TFEC: variants seen among roughly 807,000 people sequenced by gnomAD.
The protein encoded by TFEC is transcription factor EC.
A neutral mutation model predicts 41.6 loss-of-function variants in TFEC; 31 were observed. That is an observed-to-expected ratio of 0.74 (90% confidence interval 0.56 to 1.01). The LOEUF is 1.01. Ranked by LOEUF, TFEC falls within the 50% of genes least tolerant of loss-of-function variation. The pLI, the probability that TFEC is intolerant of heterozygous loss-of-function variation, is 0.00. For synonymous variants in TFEC, 143 were observed against 140.6 expected (o/e 1.02, Z -0.12); for missense variants, 402 against 404.1 (o/e 0.99, Z 0.04).
intron 1 of TFEC, among the ~76,000 whole-genome samples, chr7:116,003,851 A>G (rs553944451): frequency 2.0e-5 from 3 of 152,186 alleles, no homozygotes; most frequent in Non-Finnish European, 4.4e-5. Context: ...AACCCTCAAA[A>G]TATTTGGAGA....
At chr7:115,966,643 A>C (rs1476782323) in intron 3 of TFEC, among the ~76,000 whole-genome samples, 2 of 151,788 alleles carry the variant, frequency 1.3e-5, no homozygotes, top group South Asian at 2.1e-4. Flanking sequence ...AATGTCTAAC[A>C]CAATGTCTGG....
intron 3 of TFEC, among the ~76,000 whole-genome samples, chr7:116,108,861 C>T (rs1797780270): frequency 6.6e-6 from 1 of 152,068 alleles, no homozygotes. Context: ...TTGAATAAGT[C>T]AACAAAGCAA....
At chr7:116,015,425 T>C (rs901175586) in intron 1 of TFEC, among the ~76,000 whole-genome samples, 5 of 151,698 alleles carry the variant, frequency 3.3e-5, no homozygotes, top group African/African-American at 9.7e-5. Context: ...CAAATTACAA[T>C]AGAAAAGAAA....
chr7:115,950,391 C>T (rs1562883089), intron 6 of TFEC, among the ~76,000 whole-genome samples: 1 of 152,124 alleles, frequency 6.6e-6, no homozygotes, highest in Non-Finnish European at 1.5e-5. Context: ...TTTGTGCATA[C>T]AGCACAAAGC....
Position 115,941,742 on chromosome 7 carries a change from A to G in TFEC, c.663+151T>C. On this transcript the variant is annotated intron_variant, in intron 7 of 7. Coordinates refer to ENST00000265440, the MANE Select transcript of TFEC (RefSeq NM_012252.4). ...GTCAAATCCTAATTGAAACAACCCAATTCACGAACTTCTAAAAAGCAGTAA... is the reference window on the plus strand; with the variant it reads ...GTCAAATCCTAATTGAAACAACCCAGTTCACGAACTTCTAAAAAGCAGTAA... 5 of 1,006,902 alleles carry G rather than the reference A, an allele frequency of 5.0e-6. No individual in the cohort carries two copies. The South Asian group carries it at 5.3e-5, about 11-fold the overall frequency. 62.4% of individuals were successfully genotyped at this position (1,006,902 alleles called of 1,614,324 possible).
chr7:116,007,449 A>C (rs12706072), intron 1 of TFEC, among the ~76,000 whole-genome samples: 20,707 of 152,148 alleles, frequency 0.14, 1,893 homozygotes, highest in Non-Finnish European at 0.21. Flanking sequence ...GGTAGTGGGG[A>C]GAGTTGTGGA....
chr7:116,019,606 ATG>A (rs1467567522), intron 1 of TFEC, among the ~76,000 whole-genome samples: 1 of 152,220 alleles, frequency 6.6e-6, no homozygotes, highest in African/African-American at 2.4e-5. Flanking sequence ...GACACAATTT[ATG>A]TGAGTGTTCT....
At chr7:116,017,035 C>T (rs112619807) in intron 1 of TFEC, among the ~76,000 whole-genome samples, 12 of 152,272 alleles carry the variant, frequency 7.9e-5, no homozygotes, top group African/African-American at 2.9e-4. Context: ...TAGAACCATC[C>T]TTGCCTCTGC....
chr7:116,121,033 T>C (rs971906537), intron 1 of TFEC, among the ~76,000 whole-genome samples: 2 of 151,958 alleles, frequency 1.3e-5, no homozygotes, highest in East Asian at 1.9e-4. Context: ...GACTCAGCAA[T>C]TGCTCTTCTA....
At chr7:116,059,175 T>C (rs564738594) in intron 3 of TFEC, among the ~76,000 whole-genome samples, 2 of 150,440 alleles carry the variant, frequency 1.3e-5, no homozygotes, top group Admixed American at 1.3e-4. Context: ...ATGAGAGAGG[T>C]GACATCACTA....
intron 3 of TFEC, among the ~76,000 whole-genome samples, chr7:116,045,895 A>G (rs1202798898): frequency 6.6e-6 from 1 of 152,210 alleles, no homozygotes; most frequent in Non-Finnish European, 1.5e-5. Context: ...CATGACCTGG[A>G]TGTGAGACCT....
At chr7:115,977,174 A>C (rs936361153) in intron 2 of TFEC, among the ~76,000 whole-genome samples, 25 of 152,154 alleles carry the variant, frequency 1.6e-4, no homozygotes, top group African/African-American at 6.0e-4. Flanking sequence ...GACAAAAAAC[A>C]CACCATTTTG....
At chr7:116,100,516 G>A (rs1338721922) in intron 3 of TFEC, among the ~76,000 whole-genome samples, 1 of 152,062 alleles carries the variant, frequency 6.6e-6, no homozygotes, top group Non-Finnish European at 1.5e-5. Flanking sequence ...CTGGGGTCAG[G>A]AAGAAATTTT....
intron 3 of TFEC, among the ~76,000 whole-genome samples, chr7:116,051,539 T>C (rs909134429): frequency 2.0e-5 from 3 of 152,198 alleles, no homozygotes; most frequent in African/African-American, 4.8e-5. Flanking sequence ...ACAAGAATTG[T>C]TCTGCCACAG....
At chr7:115,988,498 A>G (rs1404389572) in intron 1 of TFEC, among the ~76,000 whole-genome samples, 1 of 152,134 alleles carries the variant, frequency 6.6e-6, no homozygotes, top group African/African-American at 2.4e-5. Flanking sequence ...AGGATTTCAC[A>G]ACAAGAAACT....
chr7:116,061,730 T>G (rs1021266830), intron 3 of TFEC, among the ~76,000 whole-genome samples: 1 of 152,082 alleles, frequency 6.6e-6, no homozygotes, highest in Non-Finnish European at 1.5e-5. Context: ...ATTCAGAATA[T>G]GTTCTGAAAC....
chr7:116,096,529 C>T (rs892808302), intron 3 of TFEC, among the ~76,000 whole-genome samples: 18 of 151,540 alleles, frequency 1.2e-4, no homozygotes, highest in African/African-American at 4.1e-4. Context: ...TAGAATCTCA[C>T]TGTCATATTA....
In TFEC at chr7:116,020,994, T is replaced by C. The variant is rs540431496; in HGVS notation, c.-73+9639A>G. Among the ~76,000 whole-genome samples the C allele has an allele frequency of 6.7e-3, 1,023 of 152,326 alleles. 2 individuals are homozygous for C. The highest frequency in any genetic ancestry group is 0.012 in the Non-Finnish European group (808 of 68,012). ...CTTACAACAGACAATAACCTCATTA[T>C]GTTCTCCTCATAAAATCCAACACTA... On this transcript the variant is annotated intron_variant, in intron 1 of 7. Transcript: ENST00000265440.
intron 3 of TFEC, among the ~76,000 whole-genome samples, chr7:115,957,098 T>C (rs916798464): frequency 1.3e-5 from 2 of 151,990 alleles, no homozygotes; most frequent in African/African-American, 4.8e-5. Context: ...TGATCCAGCA[T>C]ATGACCTGGT....
Sources: gnomAD v4.1 joint callset for allele counts (sites outside exome capture counted in the v4.1 genomes callset) on GRCh38, gnomAD v4.1.1 for gene constraint, MANE v1.5 for transcripts, NCBI Gene and HGNC (gene_info 2026-07-23, HGNC 2026-07-21) for gene names.